The following FOXP1 variants were observed in gnomAD, a reference collection of about 807,000 sequenced individuals.
FOXP1 encodes forkhead box protein P1.
A neutral mutation model predicts 98.2 loss-of-function variants in FOXP1; 15 were observed. That is an observed-to-expected ratio of 0.15 (90% CI 0.10 to 0.24). The LOEUF (loss-of-function observed/expected upper bound fraction) is 0.24, where lower values mean the gene tolerates loss of function less well. Ranked by LOEUF, FOXP1 falls within the 10% of genes least tolerant of loss-of-function variation. The pLI is 1.00. For missense variants in FOXP1, 633 were observed against 848.5 expected, an observed-to-expected ratio of 0.75 and a Z score of 3.15; for synonymous variants, 371 against 314.5, an observed-to-expected ratio of 1.18 and a Z score of -1.90.
In FOXP1 at chr3:71,250,475, CATATCTTGG is replaced by C. The variant is rs544525313; in HGVS notation, c.-12+49336_-12+49344del. Among the ~76,000 whole-genome samples the C allele has an allele frequency of 6.6e-4, 100 of 152,268 alleles. No individual in the cohort carries two copies. The South Asian group carries it at 0.02, about 30-fold the overall frequency. ...ATAGCCACACATGCCTAGTGGCTGC[CATATCTTGG>C]ACTGTGCAGTTTTAGAGGGGGTCAT... On this transcript the variant is annotated intron_variant, in intron 5 of 20. Transcript: ENST00000649528.
rs548875308 is a variant in FOXP1 at position 71,119,365 on chromosome 3, A to T, written c.181-6728T>A. Among the ~76,000 whole-genome samples the T allele has an allele frequency of 7.9e-5, 12 of 152,262 alleles. No individual in the cohort carries two copies. The South Asian group carries it at 1.4e-3, about 18-fold the overall frequency. On this transcript the variant is annotated intron_variant, in intron 6 of 20. Coordinates refer to ENST00000649528, the MANE Select transcript of FOXP1 (RefSeq NM_001349338.3). ...GAGAAGTTGTCCCATTTCCAGCTTG[A>T]AAGGCTGGTCTGAGTCAGCCATCCT... is the stretch of plus-strand genomic sequence containing the variant.
chr3:71,176,780 G>A lies in FOXP1; in HGVS notation c.180+21422C>T, dbSNP rs530788169. Among the ~76,000 whole-genome samples the A allele has an allele frequency of 3.1e-3, 462 of 149,828 alleles. 7 individuals are homozygous for A. The highest frequency in any genetic ancestry group is 0.011 in the African/African-American group (456 of 40,230). On this transcript the variant is annotated intron_variant, in intron 6 of 20. Coordinates refer to ENST00000649528, the MANE Select transcript of FOXP1 (RefSeq NM_001349338.3). ...AAAAAAAAAAAAAAAAAGAGCCGGG[G>A]GGCGGGTGCGGTGGCTCACGCCTAT...
chr3:71,003,637 C>T (rs2042392789), intron 12 of FOXP1, among the ~76,000 whole-genome samples: 2 of 151,986 alleles, frequency 1.3e-5, no homozygotes, highest in Non-Finnish European at 2.9e-5. Context: ...AGTAGCTTGC[C>T]GGCAGACAAC....
rs562528893 is a variant in FOXP1 at position 71,569,580 on chromosome 3, T to C, written c.-298+11969A>G. On this transcript the variant is annotated intron_variant, in intron 2 of 20. Coordinates refer to ENST00000649528, the MANE Select transcript of FOXP1 (RefSeq NM_001349338.3). Reference sequence around the variant, plus strand: ...AAGAACAGCATGTAACAAAACAGTATAAGGAACATCATCTATATATTTTAT... The same window carrying C: ...AAGAACAGCATGTAACAAAACAGTACAAGGAACATCATCTATATATTTTAT... Among the ~76,000 whole-genome samples, 90 of 152,196 alleles carry C rather than the reference T, an allele frequency of 5.9e-4. No individual in the cohort carries two copies. In the South Asian group the frequency reaches 0.018, roughly 31 times the overall value.
At chr3:71,266,997 A>C (rs1003730498) in intron 5 of FOXP1, among the ~76,000 whole-genome samples, 1 of 152,206 alleles carries the variant, frequency 6.6e-6, no homozygotes, top group Admixed American at 6.5e-5. Context: ...GAGTGAATTT[A>C]ATCCTTCATC....
At chr3:71,088,220 G>A (rs2055354008) in intron 7 of FOXP1, among the ~76,000 whole-genome samples, 4 of 152,110 alleles carry the variant, frequency 2.6e-5, no homozygotes, top group Admixed American at 1.3e-4. Flanking sequence ...CTAGATAGAC[G>A]CAAGACTCAG....
At chr3:71,405,641 T>C (rs2108239364) in intron 3 of FOXP1, among the ~76,000 whole-genome samples, 1 of 152,320 alleles carries the variant, frequency 6.6e-6, no homozygotes, top group South Asian at 2.1e-4. Context: ...TTGGGAAGGT[T>C]ATAAAAGGCC....
At chr3:71,124,109 G>C (rs2107842293) in intron 6 of FOXP1, among the ~76,000 whole-genome samples, 1 of 148,378 alleles carries the variant, frequency 6.7e-6, no homozygotes, top group East Asian at 2.0e-4. Flanking sequence ...ATGTACCCAT[G>C]AATTTAAAAT....
chr3:71,184,539 A>C (rs1281272363), intron 6 of FOXP1, among the ~76,000 whole-genome samples: 1 of 152,198 alleles, frequency 6.6e-6, no homozygotes, highest in African/African-American at 2.4e-5. Flanking sequence ...AGTTTGCTTC[A>C]GAGCTGGCGT....
chr3:71,279,323 C>T (rs909671722), intron 5 of FOXP1, among the ~76,000 whole-genome samples: 7 of 152,134 alleles, frequency 4.6e-5, no homozygotes, highest in Non-Finnish European at 1.0e-4. Context: ...ATGTCCCAAT[C>T]TGGTAATTTG....
intron 5 of FOXP1, among the ~76,000 whole-genome samples, chr3:71,204,339 G>A (rs1168754183): frequency 6.6e-6 from 1 of 152,224 alleles, no homozygotes; most frequent in Non-Finnish European, 1.5e-5. Context: ...AAACAAAGGA[G>A]TTTTAAGCAG....
At chr3:71,166,359 G>T (rs2108181881) in intron 6 of FOXP1, among the ~76,000 whole-genome samples, 1 of 152,258 alleles carries the variant, frequency 6.6e-6, no homozygotes, top group African/African-American at 2.4e-5. Context: ...ACCTGTTACG[G>T]CCCCCATCTT....
chr3:71,434,631 G>GGTGTGTGTGTGTGT (rs55643841), intron 3 of FOXP1, among the ~76,000 whole-genome samples: 54 of 142,342 alleles, frequency 3.8e-4, no homozygotes, highest in African/African-American at 1.2e-3. Flanking sequence ...GAGGGGATGG[G>GGTGTGTGTGTGTGT]GTGTGTGTGT....
At chr3:71,575,326 A>T (rs1218309926) in intron 2 of FOXP1, among the ~76,000 whole-genome samples, 1 of 152,250 alleles carries the variant, frequency 6.6e-6, no homozygotes, top group Non-Finnish European at 1.5e-5. Context: ...AGAATAAATC[A>T]CTTGATTCAC....
chr3:70,993,819 A>T (rs1244175996), intron 13 of FOXP1, among the ~76,000 whole-genome samples: 1 of 151,766 alleles, frequency 6.6e-6, no homozygotes, highest in Non-Finnish European at 1.5e-5. Context: ...ACATGATGAA[A>T]CCTGTCTCTA....
intron 4 of FOXP1, among the ~76,000 whole-genome samples, chr3:71,307,190 T>C (rs943014559): frequency 1.3e-5 from 2 of 152,218 alleles, no homozygotes; most frequent in Admixed American, 6.5e-5. Context: ...GATGTGTCCA[T>C]ATTATTACTG....
At chr3:71,037,445 C>G (rs908412320) in intron 11 of FOXP1, among the ~76,000 whole-genome samples, 3 of 152,130 alleles carry the variant, frequency 2.0e-5, no homozygotes, top group Non-Finnish European at 2.9e-5. Flanking sequence ...GGAAACAAGA[C>G]AGTATCTTCA....
chr3:70,977,202 T>C (rs559391117), intron 16 of FOXP1, among the ~76,000 whole-genome samples, 160 bp from the exon 17 acceptor site: 2 of 152,228 alleles, frequency 1.3e-5, no homozygotes, highest in African/African-American at 2.4e-5. Flanking sequence ...AACAGTTCAA[T>C]AGCAAAATTC....
At position 71,439,821 on chromosome 3, in the gene FOXP1, C is replaced by T. The variant is rs1577520871; in HGVS notation, c.-168+53605G>A. The stretch of plus-strand genomic sequence containing the variant: ...ATTAGCTGAGTGTGGTGGTGCACGC[C>T]TGTAATCCCAGCTACTTGGGAGGCT... On this transcript the variant is annotated intron_variant, in intron 3 of 20. Transcript: ENST00000649528. 3.9e-5 allele frequency among the ~76,000 whole-genome samples: 6 copies of T among 152,122 alleles called. No homozygotes were observed. The South Asian group carries it at 1.2e-3, about 32-fold the overall frequency.
Sources: gnomAD v4.1 joint callset for allele counts (sites outside exome capture counted in the v4.1 genomes callset) on GRCh38, gnomAD v4.1.1 for gene constraint, MANE v1.5 for transcripts, NCBI Gene and HGNC (gene_info 2026-07-23, HGNC 2026-07-21) for gene names.